The following GATAD1 variants were observed in gnomAD, a reference collection of about 807,000 sequenced individuals.
GATAD1 encodes GATA zinc finger domain-containing protein 1.
In GATAD1, 12 loss-of-function variants were observed where a neutral mutation model predicts 26.5. The observed-to-expected ratio is 0.45, with a 90% confidence interval of 0.29 to 0.73. The LOEUF (loss-of-function observed/expected upper bound fraction) is 0.73, where lower values mean the gene tolerates loss of function less well. Among genes scored for constraint, GATAD1 ranks in the 30% least tolerant of loss-of-function variants. GATAD1 has a pLI of 0.10. For synonymous variants in GATAD1, 129 were observed against 133.1 expected, an observed-to-expected ratio of 0.97 and a Z score of 0.21; for missense variants, 266 against 342.1, an observed-to-expected ratio of 0.78 and a Z score of 1.75.
At chr7:92,476,134 C>T in the GATAD1 span, among the ~76,000 whole-genome samples, 19 of 152,168 alleles carry the variant, frequency 1.2e-4, no homozygotes, top group African/African-American at 3.9e-4. Flanking sequence ...ATTTAAATCC[C>T]GTTAGGAAAT....
At chr7:92,493,324 G>A in the GATAD1 span, 2 of 379,770 alleles carry the variant, frequency 5.3e-6, no homozygotes, top group South Asian at 4.6e-5. Flanking sequence ...ATATATATAG[G>A]AAAATGAATG....
At chr7:92,451,888 G>A (rs993191728) in intron 3 of GATAD1, among the ~76,000 whole-genome samples, 2 of 152,212 alleles carry the variant, frequency 1.3e-5, no homozygotes, top group African/African-American at 4.8e-5. Flanking sequence ...TAGCCAACAA[G>A]TCATGGAGTG....
chr7:92,482,435 A>G, the GATAD1 span, among the ~76,000 whole-genome samples: 6 of 152,056 alleles, frequency 3.9e-5, no homozygotes, highest in African/African-American at 1.4e-4. Flanking sequence ...AAAATGGGGG[A>G]ATTGTATGGA....
the GATAD1 span, chr7:92,492,915 C>T: frequency 3.9e-5 from 59 of 1,503,116 alleles, no homozygotes; most frequent in South Asian, 4.4e-4. Flanking sequence ...TCTTTTATCA[C>T]TCATAAAATG....
chr7:92,489,770 C>A, the GATAD1 span: 1 of 1,614,134 alleles, frequency 6.2e-7, no homozygotes, highest in Non-Finnish European at 8.5e-7. Context: ...CTCAGTTGAT[C>A]TCTTTGTTCT....
At chr7:92,487,822 A>T in the GATAD1 span, among the ~76,000 whole-genome samples, 4 of 152,226 alleles carry the variant, frequency 2.6e-5, no homozygotes, top group African/African-American at 9.6e-5. Context: ...TTAATCAAAG[A>T]AATGTAAATT....
chr7:92,487,480 C>T, the GATAD1 span: 1 of 1,592,296 alleles, frequency 6.3e-7, no homozygotes. Context: ...ACTTTCTGTC[C>T]AGGTCGAAAC....
the GATAD1 span, among the ~76,000 whole-genome samples, chr7:92,488,078 T>C: frequency 1.3e-5 from 2 of 152,202 alleles, no homozygotes; most frequent in African/African-American, 4.8e-5. Context: ...TGTCTAAAAA[T>C]TGGATATTGT....
the GATAD1 span, among the ~76,000 whole-genome samples, chr7:92,483,451 G>A: frequency 6.6e-6 from 1 of 152,314 alleles, no homozygotes; most frequent in East Asian, 1.9e-4. Flanking sequence ...GTCCTGTTGT[G>A]GGGTTTGAGG....
At chr7:92,469,046 G>A in the GATAD1 span, 1 of 709,230 alleles carries the variant, frequency 1.4e-6, no homozygotes, top group South Asian at 1.5e-5. Context: ...AGAATCCAGG[G>A]CATCCATTGG....
the GATAD1 span, among the ~76,000 whole-genome samples, chr7:92,485,104 C>T: frequency 6.6e-6 from 1 of 152,058 alleles, no homozygotes; most frequent in Non-Finnish European, 1.5e-5. Context: ...CAAGGTTAAT[C>T]GCTCAGTTAA....
the GATAD1 span, chr7:92,471,250 T>A: frequency 6.0e-6 from 1 of 166,920 alleles, no homozygotes; most frequent in African/African-American, 2.4e-5. Flanking sequence ...GCCAGTCTTC[T>A]CCAGGGTAAT....
At chr7:92,492,758 A>G in the GATAD1 span, among the ~76,000 whole-genome samples, 1 of 152,250 alleles carries the variant, frequency 6.6e-6, no homozygotes, top group Non-Finnish European at 1.5e-5. Context: ...AGAAACAGAC[A>G]TCAAACTTCA....
At chr7:92,494,741 C>G in the GATAD1 span, 1 of 639,360 alleles carries the variant, frequency 1.6e-6, no homozygotes, top group African/African-American at 1.9e-5. Context: ...TATTTATATA[C>G]TTCTTTTAAT....
At chr7:92,465,913 A>G in the GATAD1 span, among the ~76,000 whole-genome samples, 2 of 152,000 alleles carry the variant, frequency 1.3e-5, no homozygotes, top group African/African-American at 4.8e-5. Flanking sequence ...AGGCAGGAGA[A>G]TCACTTGAAC....
chr7:92,488,858 C>G, the GATAD1 span, among the ~76,000 whole-genome samples: 1 of 152,014 alleles, frequency 6.6e-6, no homozygotes, highest in Non-Finnish European at 1.5e-5. Flanking sequence ...CTCAGCCTCC[C>G]AAGTAGCTGG....
chr7:92,490,491 T>C, the GATAD1 span, among the ~76,000 whole-genome samples: 8 of 151,804 alleles, frequency 5.3e-5, no homozygotes, highest in African/African-American at 1.9e-4. Flanking sequence ...AAAAATTAGC[T>C]GGGCATGGTG....
At chr7:92,469,346 A>G in the GATAD1 span, 1 of 765,402 alleles carries the variant, frequency 1.3e-6, no homozygotes, top group South Asian at 1.3e-5. Context: ...TTGTAGTAGA[A>G]CTGAGTAGAG....
chr7:92,479,886 G>A, the GATAD1 span, among the ~76,000 whole-genome samples: 3 of 152,136 alleles, frequency 2.0e-5, no homozygotes, highest in East Asian at 1.9e-4. Context: ...CACAAGGTCC[G>A]AATAAGAGAA....
Sources: gnomAD v4.1 joint callset for allele counts (sites outside exome capture counted in the v4.1 genomes callset) on GRCh38, gnomAD v4.1.1 for gene constraint, MANE v1.5 for transcripts, NCBI Gene and HGNC (gene_info 2026-07-23, HGNC 2026-07-21) for gene names.